The following FES variants were observed in gnomAD, a reference collection of about 807,000 sequenced individuals.
The protein encoded by FES is tyrosine-protein kinase Fes/Fps.
In FES, 83 loss-of-function variants were observed where a neutral mutation model predicts 109.6. The observed-to-expected ratio is 0.76, with a 90% CI of 0.63 to 0.91. The LOEUF is 0.91. Ranked by LOEUF, FES falls within the 40% of genes least tolerant of loss-of-function variation. The probability of loss-of-function intolerance (pLI) is 0.00; values close to 1 mark genes in which losing one functional copy is unlikely to be tolerated. For synonymous variants in FES, 458 were observed against 442.1 expected (o/e 1.04, Z -0.45); for missense variants, 943 against 1,070.9 (o/e 0.88, Z 1.67).
Position 90,895,568 on chromosome 15 carries a change from C to T in FES, c.*10C>T. 2 of 1,549,060 alleles carry T rather than the reference C, an allele frequency of 1.3e-6. No homozygotes were observed. The highest frequency in any genetic ancestry group is 1.7e-6 in the Non-Finnish European group (2 of 1,145,532). ...AAAGCGGCATCGGTGAGGCTGGGAC[C>T]CCCTTCTCAAGCTGGTGGCCTCTGC... On this transcript the variant is annotated 3_prime_UTR_variant, in exon 19 of 19. Coordinates refer to ENST00000328850, the MANE Select transcript of FES (RefSeq NM_002005.4).
At chr15:90,890,321 C>T (rs369338125) in intron 9 of FES, 43 bp downstream of exon 9, 1 of 1,589,476 alleles carries the variant, frequency 6.3e-7, no homozygotes, top group African/African-American at 1.3e-5. Flanking sequence ...ACCGGCCTGC[C>T]CACCTGGGGC....
chr15:90,890,401 G>A lies in FES; in HGVS notation c.1237G>A (p.Glu413Lys), dbSNP rs781285046. The A allele has an allele frequency of 6.2e-7, 1 of 1,612,780 alleles. No homozygotes were observed. The highest frequency in any genetic ancestry group is 1.7e-5 in the Admixed American group (1 of 59,998). Reference protein sequence around the residue: ...QDDRHSTSSSEQEREGGRTPT... With the variant: ...QDDRHSTSSSKQEREGGRTPT... Reference sequence around the variant, plus strand: ...CGCTGACGTCTGTCCCTGGCCTCAGGAGCAGGAGCGAGAGGGGGGAAGGAC... The same window carrying A: ...CGCTGACGTCTGTCCCTGGCCTCAGAAGCAGGAGCGAGAGGGGGGAAGGAC... The change falls in exon 10 of 19, where the codon GAG (glutamate) becomes AAG (lysine). Residue 413 changes from glutamate (E) to lysine (K), a missense_variant and splice_region_variant. Physicochemically the swap from Glu to Lys is moderately conservative, Grantham distance 56. Coordinates refer to ENST00000328850, the MANE Select transcript of FES (RefSeq NM_002005.4).
intron 13 of FES, 161 bp downstream of exon 13, chr15:90,892,272 G>A (rs2033293072): frequency 2.6e-6 from 2 of 760,612 alleles, no homozygotes; most frequent in Non-Finnish European, 4.4e-6. Context: ...TCCAGGAAAC[G>A]GGACAGTACC....
Position 90,891,539 on chromosome 15 carries a change from T to C in FES, c.1531-15T>C. ...CAGAATGGAGGCTGCTGACCCCGGG[T>C]CCCCTGCCCTGCAGAACCTGTACCG... On this transcript the variant is annotated splice_polypyrimidine_tract_variant and intron_variant, in intron 11 of 18. Transcript: ENST00000328850. The C allele has an allele frequency of 6.2e-7, 1 of 1,612,956 alleles. No homozygotes were observed. Among genetic ancestry groups the C allele is most frequent in the Admixed American group, 1.7e-5 (1 of 60,004 alleles).
intron 16 of FES, 112 bp downstream of exon 16, chr15:90,893,526 T>A (rs1473064293): frequency 2.0e-6 from 3 of 1,489,840 alleles, no homozygotes; most frequent in East Asian, 2.3e-5. Flanking sequence ...AGAGGGGGAG[T>A]TGGCCTCTGT....
chr15:90,895,695 C>T lies in FES; in HGVS notation c.*137C>T, dbSNP rs191990497. 1.4e-4 allele frequency: 97 copies of T among 696,102 alleles called. No homozygotes were observed. Among genetic ancestry groups the T allele is most frequent in the African/African-American group, 8.5e-4 (46 of 53,952 alleles). The allele number at this position is 696,102 out of a possible 1,614,324, so 43.1% of individuals were successfully genotyped here. On this transcript the variant is annotated 3_prime_UTR_variant, in exon 19 of 19. Coordinates refer to ENST00000328850, the MANE Select transcript of FES (RefSeq NM_002005.4). ...CATCCACACTGCCGGCAGGATGCAGCGCCGTGTCCTCTCTGTGTCCCTGCT... is the reference window on the plus strand; with the variant it reads ...CATCCACACTGCCGGCAGGATGCAGTGCCGTGTCCTCTCTGTGTCCCTGCT...
chr15:90,895,508 T>C lies in FES; in HGVS notation c.2419T>C (p.Phe807Leu). The C allele has an allele frequency of 6.2e-7, 1 of 1,600,240 alleles. No individual in the cohort carries two copies. Among genetic ancestry groups the C allele is most frequent in the Non-Finnish European group, 8.5e-7 (1 of 1,172,722 alleles). ...WAYEPGQRPS[F>L]STIYQELQSI... ...CTATGAGCCTGGGCAGCGGCCCAGC[T>C]TCAGCACCATCTACCAGGAGCTGCA... Residue 807 changes from phenylalanine to leucine, a missense_variant, in exon 19 of 19, where the codon TTC becomes CTC. By Grantham distance (22) the Phe-to-Leu change is conservative (BLOSUM62 0). Transcript: ENST00000328850.
In FES at chr15:90,895,575, T is replaced by G. The variant is rs1596121662; in HGVS notation, c.*17T>G. On this transcript the variant is annotated 3_prime_UTR_variant, in exon 19 of 19. Transcript: ENST00000328850. ...CATCGGTGAGGCTGGGACCCCCTTC[T>G]CAAGCTGGTGGCCTCTGCAGGCCTA... is the stretch of plus-strand genomic sequence containing the variant. 2 of 1,539,132 alleles carry G rather than the reference T, an allele frequency of 1.3e-6. No homozygotes were observed. Among genetic ancestry groups the G allele is most frequent in the East Asian group, 2.4e-5 (1 of 42,220 alleles).
In FES at chr15:90,885,194, A is replaced by C; in HGVS notation, c.149A>C (p.His50Pro). The C allele has an allele frequency of 6.2e-7, 1 of 1,613,760 alleles. No individual in the cohort carries two copies. The highest frequency in any genetic ancestry group is 8.5e-7 in the Non-Finnish European group (1 of 1,180,022). ...SDREYAGLLH[H>P]MSLQDSGGQS... The stretch of plus-strand genomic sequence containing the variant: ...AGGGAGTATGCAGGACTGCTTCACC[A>C]CATGTCCCTGCAGGACAGTGGGGGC... Residue 50 changes from histidine (H) to proline (P), a missense_variant, in exon 2 of 19, where the codon CAC becomes CCC. Physicochemically the swap from His to Pro is moderately conservative, Grantham distance 77. Transcript: ENST00000328850.
chr15:90,886,040 A>C (rs2032585362), intron 3 of FES, among the ~76,000 whole-genome samples: 1 of 152,196 alleles, frequency 6.6e-6, no homozygotes, highest in Non-Finnish European at 1.5e-5. Flanking sequence ...CTAGGTTTGA[A>C]TCCCACCCAG....
At chr15:90,893,843 G>A (rs763912744) in intron 17 of FES, 32 bp downstream of exon 17, 1 of 1,597,656 alleles carries the variant, frequency 6.3e-7, no homozygotes, top group Non-Finnish European at 8.5e-7. Flanking sequence ...TGGACTCCAT[G>A]GCCAGAGGCC....
chr15:90,894,690 C>T (rs1222195841), intron 18 of FES, among the ~76,000 whole-genome samples: 4 of 151,920 alleles, frequency 2.6e-5, no homozygotes, highest in South Asian at 2.1e-4. Flanking sequence ...CACTGGAGCC[C>T]GGGAGGTGGA....
intron 17 of FES, 47 bp downstream of exon 17, chr15:90,893,858 C>G (rs1254020612): frequency 6.2e-7 from 1 of 1,604,598 alleles, no homozygotes; most frequent in East Asian, 2.2e-5. Context: ...GAGGCCAGGC[C>G]TGGGTCCTGC....
rs2151258578 is a variant in FES at position 90,890,149 on chromosome 15, A to G, written c.1107A>G (p.Val369=). ...VLQEALQGLQ[V]ALCSQAKLQA... The stretch of plus-strand genomic sequence containing the variant: ...AAGAAGCACTGCAGGGGCTGCAGGT[A>G]GCGCTGTGCAGCCAGGCCAAGCTGC... Residue 369 remains valine (V), a synonymous_variant, in exon 9 of 19, where the codon GTA becomes GTG. Coordinates refer to ENST00000328850, the MANE Select transcript of FES (RefSeq NM_002005.4). 6.3e-7 allele frequency: 1 copy of G among 1,593,370 alleles called. No homozygotes were observed. The highest frequency in any genetic ancestry group is 8.5e-7 in the Non-Finnish European group (1 of 1,175,516).
intron 1 of FES, chr15:90,884,768 T>G: frequency 5.2e-6 from 2 of 383,302 alleles, no homozygotes; most frequent in Non-Finnish European, 9.6e-6. Flanking sequence ...CTGTAAGGGG[T>G]GGTGGGTGGA....
chr15:90,888,040 A>G (rs997145518), intron 5 of FES, among the ~76,000 whole-genome samples: 1 of 152,196 alleles, frequency 6.6e-6, no homozygotes, highest in Non-Finnish European at 1.5e-5. Flanking sequence ...TAGCAGGGCC[A>G]TGGTGAGGAC....
Position 90,889,749 on chromosome 15 carries a change from C to T in FES, c.927-91C>T. 6.2e-7 allele frequency: 1 copy of T among 1,602,508 alleles called. No individual in the cohort carries two copies. Among genetic ancestry groups the T allele is most frequent in the Non-Finnish European group, 8.5e-7 (1 of 1,173,972 alleles). ...TCCACACAGAGCTGTCACCAGGTGG[C>T]CGGGCTTGCTTGGCTCTACAGGGAT... is the stretch of plus-strand genomic sequence containing the variant. On this transcript the variant is annotated intron_variant, in intron 7 of 18. Coordinates refer to ENST00000328850, the MANE Select transcript of FES (RefSeq NM_002005.4). The surrounding 1 kb of genome is among the most constrained non-coding windows in gnomAD (Gnocchi z 6.1).
chr15:90,893,022 G>C (rs1324996371), intron 14 of FES, 78 bp from the exon 15 acceptor site: 1 of 1,518,852 alleles, frequency 6.6e-7, no homozygotes, highest in African/African-American at 1.4e-5. Context: ...TGGAGGCCAA[G>C]CTCTTCTCCC....
At chr15:90,893,545 G>A in intron 16 of FES, 109 bp from the exon 17 acceptor site, 1 of 1,492,086 alleles carries the variant, frequency 6.7e-7, no homozygotes, top group South Asian at 1.4e-5. Context: ...GTGGTAGACA[G>A]GGGTGCCCAG....
Sources: gnomAD v4.1 joint callset for allele counts (sites outside exome capture counted in the v4.1 genomes callset) on GRCh38, gnomAD v4.1.1 for gene constraint, Gnocchi (gnomAD v3.1) non-coding constraint, MANE v1.5 for transcripts, NCBI Gene and HGNC (gene_info 2026-07-23, HGNC 2026-07-21) for gene names.